The following UNC13B variants were observed in gnomAD, a reference collection of about 807,000 sequenced individuals.
The protein encoded by UNC13B is protein unc-13 homolog B.
UNC13B carries 144 observed loss-of-function variants against 211.0 expected under a neutral mutation model. The ratio of observed to expected loss-of-function variants is 0.68; its 90% confidence interval spans 0.60 to 0.78. UNC13B has a LOEUF of 0.78. Among genes scored for constraint, UNC13B ranks in the 30% least tolerant of loss-of-function variants. The pLI is 0.00. For synonymous variants in UNC13B, 709 were observed against 725.8 expected, an observed-to-expected ratio of 0.98 and a Z score of 0.37; for missense variants, 1,777 against 2,002.0, an observed-to-expected ratio of 0.89 and a Z score of 2.14.
chr9:35,385,679 T>C, intron 22 of UNC13B, 45 bp from the exon 23 acceptor site: 2 of 1,547,332 alleles, frequency 1.3e-6, no homozygotes. Flanking sequence ...GGGAAGGTTT[T>C]CATAGTCCTC....
intron 24 of UNC13B, among the ~76,000 whole-genome samples, chr9:35,389,637 C>T (rs1421704421): frequency 2.0e-5 from 3 of 152,218 alleles, no homozygotes; most frequent in African/African-American, 4.8e-5. Context: ...AACTTCTCAG[C>T]GATAGGCTCC....
intron 31 of UNC13B, 55 bp downstream of exon 31, chr9:35,398,343 G>A: frequency 6.4e-7 from 1 of 1,571,612 alleles, no homozygotes. Context: ...TGAGCTCCTT[G>A]GCCATAGAAC....
At chr9:35,255,739 A>G (rs1228279041) in intron 6 of UNC13B, among the ~76,000 whole-genome samples, 4 of 152,072 alleles carry the variant, frequency 2.6e-5, no homozygotes, top group Admixed American at 6.6e-5. Flanking sequence ...AGGTTTTATA[A>G]TAGTGATGTT....
intron 11 of UNC13B, chr9:35,353,482 C>T (rs1305788319): frequency 1.6e-6 from 2 of 1,232,082 alleles, no homozygotes; most frequent in Non-Finnish European, 2.0e-6. Flanking sequence ...GGAGTGAAAG[C>T]TTGCTCAGTG....
rs935827620 is a variant in UNC13B at position 35,324,222 on chromosome 9, A to G, written c.9414+10233A>G. On this transcript the variant is annotated intron_variant, in intron 11 of 39. Coordinates refer to ENST00000635942, the MANE Select transcript of UNC13B (RefSeq NM_001371189.2). ...CACTAATCTTAGAACCCTACTTTCC[A>G]AAGCATGTTCCACAGGACTCCAGTT... Among the ~76,000 whole-genome samples the G allele has an allele frequency of 2.0e-5, 3 of 152,308 alleles. No homozygotes were observed. The South Asian group carries it at 6.2e-4, about 32-fold the overall frequency.
Position 35,404,134 on chromosome 9 carries a change from G to A in UNC13B, c.*101G>A. On this transcript the variant is annotated 3_prime_UTR_variant, in exon 40 of 40. Transcript: ENST00000635942. ...GGCTTAGGGTCTTTGCAGTCAAGAG[G>A]CTGACCCCTTCAGTTAAAGATATTT... 1 of 1,441,554 alleles carries A rather than the reference G, an allele frequency of 6.9e-7. No individual in the cohort carries two copies. Among genetic ancestry groups the A allele is most frequent in the Non-Finnish European group, 9.2e-7 (1 of 1,084,240 alleles). 89.3% of individuals were successfully genotyped at this position (1,441,554 alleles called of 1,614,324 possible).
chr9:35,233,654 A>C (rs2131515585), intron 3 of UNC13B, among the ~76,000 whole-genome samples: 2 of 152,188 alleles, frequency 1.3e-5, no homozygotes, highest in Middle Eastern at 3.4e-3. Context: ...GGCAGTATCT[A>C]ATATTCGTTT....
rs1262389765 is a variant in UNC13B, at chr9:35,346,440, CA to C, written c.9415-20501del. 1.5e-4 allele frequency among the ~76,000 whole-genome samples: 23 copies of C among 152,218 alleles called. No individual in the cohort carries two copies. In the South Asian group the frequency reaches 4.6e-3, roughly 30 times the overall value. Reference sequence around the variant, plus strand: ...AGAAGGATAAAAGAATCAGCCATTTCAAAAAACTGAGGTGTTTTCCTTTCTC... The same window carrying C: ...AGAAGGATAAAAGAATCAGCCATTTCAAAAACTGAGGTGTTTTCCTTTCTC... On this transcript the variant is annotated intron_variant, in intron 11 of 39. Coordinates refer to ENST00000635942, the MANE Select transcript of UNC13B (RefSeq NM_001371189.2).
chr9:35,281,325 A>T (rs1183831882), intron 7 of UNC13B, among the ~76,000 whole-genome samples: 33 of 150,544 alleles, frequency 2.2e-4, no homozygotes, highest in Non-Finnish European at 8.9e-5. Context: ...CAGAGGTAGG[A>T]GAATTGCTTG....
rs1829653279 is a variant in UNC13B, at chr9:35,300,999, T to C, written c.1595T>C (p.Val532Ala). Residue 532 changes from valine (V) to alanine (A), a missense_variant, in exon 9 of 40, where the codon GTA becomes GCA. Val to Ala is a moderately conservative substitution (Grantham distance 64, BLOSUM62 0). Coordinates refer to ENST00000635942, the MANE Select transcript of UNC13B (RefSeq NM_001371189.2). ...ATCTCTTTCCCTGAGTTGACTGGAG[T>C]ACAATGTGCTGTTGGTTCTTTGTTT... is the stretch of plus-strand genomic sequence containing the variant. The part of the protein sequence containing the change: ...TAISFPELTG[V>A]QCAVGSLFSS... The C allele has an allele frequency of 2.5e-6, 1 of 398,852 alleles. No individual in the cohort carries two copies. Among genetic ancestry groups the C allele is most frequent in the Non-Finnish European group, 4.4e-6 (1 of 226,020 alleles). The allele number at this position is 398,852 out of a possible 1,614,324, so 24.7% of individuals were successfully genotyped here. A position where few individuals can be genotyped will look rare whatever the true frequency, so the allele number is the denominator to read the frequency against.
intron 17 of UNC13B, among the ~76,000 whole-genome samples, chr9:35,378,760 T>C (rs1834621355): frequency 1.3e-5 from 2 of 152,070 alleles, no homozygotes; most frequent in South Asian, 4.1e-4. Flanking sequence ...TGCCTTATTG[T>C]ACCTCCTACC....
At chr9:35,257,541 A>G (rs1826995204) in intron 6 of UNC13B, among the ~76,000 whole-genome samples, 1 of 128,664 alleles carries the variant, frequency 7.8e-6, no homozygotes, top group Non-Finnish European at 1.6e-5. Flanking sequence ...AAATAGCTCC[A>G]CTGCACTCCA....
intron 16 of UNC13B, 77 bp downstream of exon 16, chr9:35,377,772 T>A: frequency 6.9e-7 from 1 of 1,442,922 alleles, no homozygotes; most frequent in Non-Finnish European, 9.5e-7. Flanking sequence ...ATCCTGAGCG[T>A]GAGGGAGCAA....
intron 8 of UNC13B, 22 bp from the exon 9 acceptor site, chr9:35,300,144 T>C (rs1179794584): frequency 2.5e-6 from 1 of 398,616 alleles, no homozygotes; most frequent in Non-Finnish European, 4.4e-6. Context: ...GAGTTTAAGG[T>C]TGAAACTTCT....
chr9:35,401,193 G>A (rs1040604814), intron 37 of UNC13B, among the ~76,000 whole-genome samples: 5 of 152,198 alleles, frequency 3.3e-5, no homozygotes, highest in African/African-American at 1.2e-4. Flanking sequence ...GCTGCCTGGG[G>A]GAGTGAACCT....
intron 11 of UNC13B, among the ~76,000 whole-genome samples, chr9:35,366,226 A>G (rs1297120833): frequency 6.6e-6 from 1 of 152,096 alleles, no homozygotes; most frequent in Admixed American, 6.5e-5. Context: ...TGCTTGAAGG[A>G]TTTGCTTTTG....
intron 26 of UNC13B, 53 bp downstream of exon 26, chr9:35,390,767 G>A (rs879223917): frequency 2.4e-5 from 36 of 1,522,764 alleles, no homozygotes; most frequent in Admixed American, 1.5e-4. Flanking sequence ...CAAGCTCCTC[G>A]TTCACTGTCC....
intron 1 of UNC13B, among the ~76,000 whole-genome samples, chr9:35,169,714 G>A (rs1263226100): frequency 6.6e-6 from 1 of 152,194 alleles, no homozygotes. Context: ...AGTGATGGGG[G>A]AAAGGACCAA....
intron 1 of UNC13B, among the ~76,000 whole-genome samples, chr9:35,223,250 G>T (rs539138795): frequency 9.9e-5 from 15 of 152,174 alleles, no homozygotes; most frequent in Admixed American, 4.6e-4. Context: ...TCTGTTTTTG[G>T]TTTTTTGGGA....
Sources: allele counts gnomAD v4.1 joint callset (sites outside exome capture counted in the v4.1 genomes callset), GRCh38; gene constraint gnomAD v4.1.1; transcripts MANE v1.5; gene names NCBI Gene and HGNC (gene_info 2026-07-23, HGNC 2026-07-21).